The following ATP6V0A4 variants were observed in gnomAD, a reference collection of about 807,000 sequenced individuals.
ATP6V0A4 encodes the protein V-type proton ATPase 116 kDa subunit a 4.
A neutral mutation model predicts 107.3 loss-of-function variants in ATP6V0A4; 86 were observed. The ratio of observed to expected loss-of-function variants is 0.80; its 90% CI spans 0.67 to 0.96. The LOEUF is 0.96. Among genes scored for constraint, ATP6V0A4 ranks in the 40% least tolerant of loss-of-function variants. The pLI is 0.00. For synonymous variants in ATP6V0A4, 353 were observed against 381.4 expected (o/e 0.93, Z 0.87); for missense variants, 908 against 1,045.6 (o/e 0.87, Z 1.81).
At chr7:138,728,036 C>T (rs1400154747) in intron 18 of ATP6V0A4, among the ~76,000 whole-genome samples, 3 of 152,078 alleles carry the variant, frequency 2.0e-5, no homozygotes, top group Non-Finnish European at 4.4e-5. Context: ...TAACATAATA[C>T]AGTAAAGTCT....
intron 20 of ATP6V0A4, 82 bp downstream of exon 20, chr7:138,715,682 A>C: frequency 6.5e-7 from 1 of 1,540,612 alleles, no homozygotes; most frequent in Non-Finnish European, 9.0e-7. Flanking sequence ...CGGAGAAGTC[A>C]CCTTTACTTC....
At chr7:138,762,063 A>T (rs1246522665) in intron 7 of ATP6V0A4, among the ~76,000 whole-genome samples, 2 of 152,202 alleles carry the variant, frequency 1.3e-5, no homozygotes, top group African/African-American at 4.8e-5. Context: ...GTGATAACCC[A>T]TCTGAACAAT....
intron 8 of ATP6V0A4, among the ~76,000 whole-genome samples, chr7:138,759,052 ATTTTTTTTTTTTTT>A (rs33940158): frequency 1.8e-5 from 1 of 54,560 alleles, no homozygotes; most frequent in Non-Finnish European, 3.0e-5. Flanking sequence ...TGCCCAGCCT[ATTTTTTTTTTTTTT>A]TTTTTTTTTT....
At chr7:138,775,851 C>G (rs369327421) in intron 2 of ATP6V0A4, among the ~76,000 whole-genome samples, 1 of 152,028 alleles carries the variant, frequency 6.6e-6, no homozygotes, top group East Asian at 1.9e-4. Flanking sequence ...GGGGTTTCAC[C>G]GGGTTAGCCA....
chr7:138,793,013 G>C (rs1808497463), intron 1 of ATP6V0A4, among the ~76,000 whole-genome samples: 1 of 152,092 alleles, frequency 6.6e-6, no homozygotes, highest in African/African-American at 2.4e-5. Flanking sequence ...GATAAAGAAG[G>C]CTGGGCGCAG....
chr7:138,756,067 T>C (rs1315367416), intron 9 of ATP6V0A4: 12 of 550,382 alleles, frequency 2.2e-5, no homozygotes, highest in Non-Finnish European at 3.2e-5. Context: ...GGCTTGCCCC[T>C]TCCTAAGAAT....
intron 19 of ATP6V0A4, 125 bp downstream of exon 19, chr7:138,721,772 G>T: frequency 2.8e-6 from 3 of 1,074,050 alleles, no homozygotes; most frequent in Non-Finnish European, 2.8e-6. Flanking sequence ...AGCTTCCCAG[G>T]ACTCAGCAGT....
intron 1 of ATP6V0A4, among the ~76,000 whole-genome samples, chr7:138,797,169 T>C (rs1162793824): frequency 2.6e-5 from 4 of 151,812 alleles, no homozygotes; most frequent in African/African-American, 9.7e-5. Context: ...CCTGTCAAAA[T>C]TCTAGCCATC....
chr7:138,750,873 T>C (rs1261321368), intron 11 of ATP6V0A4, among the ~76,000 whole-genome samples: 1 of 152,148 alleles, frequency 6.6e-6, no homozygotes, highest in Non-Finnish European at 1.5e-5. Context: ...GCTATAGGAC[T>C]GTAGTCAGGT....
intron 17 of ATP6V0A4, among the ~76,000 whole-genome samples, chr7:138,731,748 C>G (rs1805031873): frequency 6.6e-6 from 1 of 151,966 alleles, no homozygotes; most frequent in Non-Finnish European, 1.5e-5. Context: ...CAAAAATTAG[C>G]CAGGCCTGGT....
At chr7:138,733,223 GCACCCCC>G in intron 16 of ATP6V0A4, 130 bp from the exon 17 acceptor site, 2 of 1,459,886 alleles carry the variant, frequency 1.4e-6, no homozygotes, top group Non-Finnish European at 1.8e-6. Flanking sequence ...GCAAACAACG[GCACCCCC>G]CACCCCCCCA....
intron 14 of ATP6V0A4, among the ~76,000 whole-genome samples, chr7:138,741,593 T>C (rs899905666): frequency 2.0e-5 from 3 of 152,124 alleles, no homozygotes; most frequent in African/African-American, 7.2e-5. Flanking sequence ...TCCACAATCA[T>C]ACCTCGATAC....
At chr7:138,769,999 C>T (rs140853654) in intron 3 of ATP6V0A4, among the ~76,000 whole-genome samples, 39 of 152,082 alleles carry the variant, frequency 2.6e-4, no homozygotes, top group African/African-American at 8.7e-4. Flanking sequence ...TACAATGAGC[C>T]GTGATTGTGC....
At chr7:138,730,909 G>A (rs1804968119) in intron 17 of ATP6V0A4, among the ~76,000 whole-genome samples, 2 of 147,062 alleles carry the variant, frequency 1.4e-5, no homozygotes, top group African/African-American at 5.2e-5. Context: ...CTGATTACAA[G>A]GCATTTTTTC....
chr7:138,762,417 A>G lies in ATP6V0A4; in HGVS notation c.435T>C (p.Ala145=), dbSNP rs897939102. 2 of 1,614,136 alleles carry G rather than the reference A, an allele frequency of 1.2e-6. No homozygotes were observed. The highest frequency in any genetic ancestry group is 1.7e-6 in the Non-Finnish European group (2 of 1,179,996). The change falls in exon 7 of 22, where the codon GCT becomes GCC. Residue 145 remains alanine, a synonymous_variant. Transcript: ENST00000310018. ...AAGTGTCCTCAGTAAAGAAATCATC[A>G]GCTAAATTGGTTTCCGTCTGAAAGT... is the stretch of plus-strand genomic sequence containing the variant. ...QDFFETETNL[A]DDFFTEDTSG... is the part of the protein sequence containing the mutation.
At chr7:138,736,600 C>G (rs920522444) in intron 15 of ATP6V0A4, among the ~76,000 whole-genome samples, 1 of 151,966 alleles carries the variant, frequency 6.6e-6, no homozygotes, top group Non-Finnish European at 1.5e-5. Context: ...GAGACAGAGT[C>G]TCGCTCTGTT....
intron 20 of ATP6V0A4, among the ~76,000 whole-genome samples, chr7:138,714,532 C>A (rs1803931831): frequency 6.6e-6 from 1 of 151,642 alleles, no homozygotes; most frequent in Non-Finnish European, 1.5e-5. Context: ...ATAGTGAGAC[C>A]TTGTCTCTTT....
At chr7:138,730,122 G>A (rs1804914544) in intron 17 of ATP6V0A4, among the ~76,000 whole-genome samples, 1 of 152,156 alleles carries the variant, frequency 6.6e-6, no homozygotes. Context: ...CTGACCTCGT[G>A]ATCCGCCCGC....
intron 19 of ATP6V0A4, among the ~76,000 whole-genome samples, chr7:138,720,552 G>A (rs898743949): frequency 1.3e-5 from 2 of 152,156 alleles, no homozygotes; most frequent in Non-Finnish European, 2.9e-5. Flanking sequence ...AATGTCAACA[G>A]CCACTACTGT....
Sources: gnomAD v4.1 joint callset for allele counts (sites outside exome capture counted in the v4.1 genomes callset) on GRCh38, gnomAD v4.1.1 for gene constraint, MANE v1.5 for transcripts, NCBI Gene and HGNC (gene_info 2026-07-23, HGNC 2026-07-21) for gene names.